IMPDH1: variants seen among roughly 807,000 people sequenced by gnomAD.
IMPDH1 encodes inosine-5'-monophosphate dehydrogenase 1.
IMPDH1 carries 41 observed loss-of-function variants against 73.5 expected under a neutral mutation model. That is an observed-to-expected ratio of 0.56 (90% CI 0.43 to 0.72). The LOEUF is 0.72. Ranked by LOEUF, IMPDH1 falls within the 30% of genes least tolerant of loss-of-function variation. The pLI is 0.00. For missense variants in IMPDH1, 645 were observed against 824.8 expected (o/e 0.78, Z 2.67); for synonymous variants, 318 against 334.3 (o/e 0.95, Z 0.53).
chr7:128,405,240 C>T (rs915524301), intron 4 of IMPDH1, among the ~76,000 whole-genome samples: 2 of 152,204 alleles, frequency 1.3e-5, no homozygotes, highest in Non-Finnish European at 2.9e-5. Context: ...GAATAATTCG[C>T]GCCTTGGGAG....
Position 128,392,783 on chromosome 7 carries a change from G to A in IMPDH1, c.*224C>T, listed in dbSNP as rs1797620751. On this transcript the variant is annotated 3_prime_UTR_variant, in exon 17 of 17. Coordinates refer to ENST00000338791, the MANE Select transcript of IMPDH1 (RefSeq NM_000883.4). ...GAGAGCCTGGCTGGCTGGGCTCGGA[G>A]GGGGGCTCCCAGGGCAGCCTGGCCC... 5 of 559,928 alleles carry A rather than the reference G, an allele frequency of 8.9e-6. No individual in the cohort carries two copies. The highest frequency in any genetic ancestry group is 3.1e-5 in the Admixed American group (1 of 32,528). 34.7% of individuals were successfully genotyped at this position (559,928 alleles called of 1,614,324 possible). A position where few individuals can be genotyped will look rare whatever the true frequency, so the allele number is the denominator to read the frequency against.
At chr7:128,406,286 CCCCCCCACACCCCCACA>C (rs1798760762) in intron 3 of IMPDH1, among the ~76,000 whole-genome samples, 1 of 2,920 alleles carries the variant, frequency 3.4e-4, no homozygotes, top group Admixed American at 2.8e-3. Flanking sequence ...AGAGGCCCCA[CCCCCCCACACCCCCACA>C]CCCCCCACCC....
At chr7:128,401,800 A>G (rs1798357438) in intron 5 of IMPDH1, among the ~76,000 whole-genome samples, 1 of 152,150 alleles carries the variant, frequency 6.6e-6, no homozygotes, top group African/African-American at 2.4e-5. Context: ...GGAGCTCAGG[A>G]GAGTGGTCAG....
rs545986760 is a variant in IMPDH1, at chr7:128,400,702, G to C, written c.579+115C>G. ...GAGGGCTCGGCCCCAAGGCTCCACT[G>C]AGAGGAAGGACACGCAGGGAGTGTA... On this transcript the variant is annotated intron_variant, in intron 7 of 16. Transcript: ENST00000338791. 5.1e-5 allele frequency: 61 copies of C among 1,186,282 alleles called. 1 individual carries two copies. The Middle Eastern group carries it at 1.0e-3, about 20-fold the overall frequency. The allele number at this position is 1,186,282 out of a possible 1,614,324, so 73.5% of individuals were successfully genotyped here. A position where few individuals can be genotyped will look rare whatever the true frequency, so the allele number is the denominator to read the frequency against.
chr7:128,405,815 C>A lies in IMPDH1; in HGVS notation c.305G>T (p.Gly102Val). 1.3e-6 allele frequency: 2 copies of A among 1,542,594 alleles called. No individual in the cohort carries two copies. The highest frequency in any genetic ancestry group is 1.2e-5 in the South Asian group (1 of 83,130). The change falls in exon 4 of 17, where the codon GGG becomes GTG. Residue 102 changes from glycine (G) to valine (V), a missense_variant. Gly to Val is a moderately radical substitution (Grantham distance 109). Around this residue, in one of 2 missense-constraint regions of IMPDH1, gnomAD observed 186 missense variants for 186.6 expected, o/e 1.00. Coordinates refer to ENST00000338791, the MANE Select transcript of IMPDH1 (RefSeq NM_000883.4). ...SGGTGYVPED[G>V]LTAQQLFASA... ...GGCGAAGAGCTGCTGCGCGGTGAGC[C>A]CATCCTCGGGCACGTAGCCGGTGCC...
At chr7:128,405,710 C>G (rs1798679640) in intron 4 of IMPDH1, 57 bp downstream of exon 4, 1 of 1,507,572 alleles carries the variant, frequency 6.6e-7, no homozygotes, top group African/African-American at 1.4e-5. Context: ...GCAGGGCCGG[C>G]CCGGGGGTCG....
At chr7:128,403,659 C>A (rs1283582014) in intron 5 of IMPDH1, 47 bp downstream of exon 5, 3 of 1,561,866 alleles carry the variant, frequency 1.9e-6, no homozygotes, top group South Asian at 1.1e-5. Context: ...CAGCCTCTTC[C>A]ACCACATACA....
chr7:128,394,775 A>G lies in IMPDH1; in HGVS notation c.1550+114T>C. 1 of 1,454,252 alleles carries G rather than the reference A, an allele frequency of 6.9e-7. No homozygotes were observed. The highest frequency in any genetic ancestry group is 9.5e-7 in the Non-Finnish European group (1 of 1,047,326). 90.1% of individuals were successfully genotyped at this position (1,454,252 alleles called of 1,614,324 possible). A position where few individuals can be genotyped will look rare whatever the true frequency, so the allele number is the denominator to read the frequency against. ...GTCTGCTACTTAAGCCCTGTGCCTC[A>G]GTTTCCAGAACCACCATATGGGGAC... On this transcript the variant is annotated intron_variant, in intron 14 of 16. Coordinates refer to ENST00000338791, the MANE Select transcript of IMPDH1 (RefSeq NM_000883.4). This position sits in a 1 kb window ranked among gnomAD's most constrained non-coding sequence, Gnocchi z 5.5.
In IMPDH1 at chr7:128,397,036, CG is replaced by C. The variant is rs762701094; in HGVS notation, c.1075-15del. The C allele has an allele frequency of 3.1e-6, 5 of 1,599,806 alleles. No homozygotes were observed. The African/African-American group carries it at 6.7e-5, about 21-fold the overall frequency. On this transcript the variant is annotated splice_polypyrimidine_tract_variant and intron_variant, in intron 10 of 16. Coordinates refer to ENST00000338791, the MANE Select transcript of IMPDH1 (RefSeq NM_000883.4). ...TTGGGACGAGTCCTGTGAGAAAGGA[CG>C]GAAGAGCTTGGGCTTAGACAGCTGA...
At chr7:128,406,679 T>A (rs1326638922) in intron 3 of IMPDH1, among the ~76,000 whole-genome samples, 5 of 152,020 alleles carry the variant, frequency 3.3e-5, no homozygotes, top group Non-Finnish European at 7.4e-5. Context: ...AGAGGCAAAA[T>A]CTATAGTTCG....
chr7:128,409,982 T>G lies in IMPDH1; in HGVS notation c.-81A>C. The G allele has an allele frequency of 8.3e-7, 1 of 1,211,946 alleles. No homozygotes were observed. The allele number at this position is 1,211,946 out of a possible 1,614,324, so 75.1% of individuals were successfully genotyped here. ...GGGCAGTGAGCGCAGCCCGGTCGAG[T>G]CCCGAGGAGGGGCGGGGCCGCCGGG... On this transcript the variant is annotated 5_prime_UTR_variant, in exon 1 of 17. Transcript: ENST00000338791.
rs374465636 is a variant in IMPDH1 at position 128,394,869 on chromosome 7, G to T, written c.1550+20C>A. 20 of 1,610,568 alleles carry T rather than the reference G, an allele frequency of 1.2e-5. No individual in the cohort carries two copies. The highest frequency in any genetic ancestry group is 2.7e-5 in the African/African-American group (2 of 74,850). ...GGGTTGTGGGCTGATCTGCCCAGGT[G>T]GGGCCCAGGGTCAGGGAACCTGAAG... On this transcript the variant is annotated intron_variant, in intron 14 of 16. Coordinates refer to ENST00000338791, the MANE Select transcript of IMPDH1 (RefSeq NM_000883.4). This position sits in a 1 kb window ranked among gnomAD's most constrained non-coding sequence, Gnocchi z 5.5.
At chr7:128,400,284 G>A (rs369869768) in intron 8 of IMPDH1, 49 bp downstream of exon 8, 38 of 1,600,450 alleles carry the variant, frequency 2.4e-5, no homozygotes, top group South Asian at 1.3e-4. Context: ...AGGCCCCAGC[G>A]TGAGGGTCCT....
intron 3 of IMPDH1, 25 bp downstream of exon 3, chr7:128,409,264 G>A (rs763231557): frequency 1.2e-6 from 2 of 1,602,228 alleles, no homozygotes; most frequent in Middle Eastern, 1.7e-4. Flanking sequence ...CTCAGTGCAT[G>A]GTGAGGAGGG....
intron 10 of IMPDH1, among the ~76,000 whole-genome samples, chr7:128,397,805 G>A (rs1036847824): frequency 6.6e-5 from 10 of 152,180 alleles, no homozygotes; most frequent in Middle Eastern, 6.8e-3. Context: ...ATACTGGTGA[G>A]AATTGGGCTT....
Position 128,392,834 on chromosome 7 carries a change from G to T in IMPDH1, c.*173C>A, listed in dbSNP as rs1419218673. 3.8e-5 allele frequency: 25 copies of T among 656,636 alleles called. No individual in the cohort carries two copies. Among genetic ancestry groups the T allele is most frequent in the Non-Finnish European group, 6.5e-5 (24 of 370,078 alleles). 40.7% of individuals were successfully genotyped at this position (656,636 alleles called of 1,614,324 possible). The stretch of plus-strand genomic sequence containing the variant: ...CGGGAGCAGTCCTGACTCTGCAGGG[G>T]ATGCCGAGTGAGGGGCAGCAGTCCC... On this transcript the variant is annotated 3_prime_UTR_variant, in exon 17 of 17. Transcript: ENST00000338791.
intron 16 of IMPDH1, 77 bp from the exon 17 acceptor site, chr7:128,393,105 C>T (rs1212682820): frequency 8.1e-6 from 12 of 1,477,278 alleles, no homozygotes; most frequent in Non-Finnish European, 1.1e-5. Context: ...TTCCCCAGGG[C>T]CCCCAGATGT....
intron 4 of IMPDH1, among the ~76,000 whole-genome samples, chr7:128,404,822 C>A (rs1798593185): frequency 1.3e-5 from 2 of 152,198 alleles, no homozygotes; most frequent in Non-Finnish European, 2.9e-5. Flanking sequence ...AGCAAAGAGG[C>A]CACAGAAGAA....
Position 128,395,249 on chromosome 7 carries a change from G to GT in IMPDH1, c.1286_1287insA (p.Thr430HisfsTer8). 1 of 1,613,602 alleles carries GT rather than the reference G, an allele frequency of 6.2e-7. No homozygotes were observed. Among genetic ancestry groups the GT allele is most frequent in the Non-Finnish European group, 8.5e-7 (1 of 1,180,044 alleles). On this transcript the variant is annotated frameshift_variant, in exon 13 of 17. Coordinates refer to ENST00000338791, the MANE Select transcript of IMPDH1 (RefSeq NM_000883.4). LOFTEE classifies it high-confidence loss of function. ...ACTCAGCCACCTTGTACACAGCAGT[G>GT]CCCTGGGGCCGACCACAGGCCATCA...
Sources: allele counts gnomAD v4.1 joint callset (sites outside exome capture counted in the v4.1 genomes callset), GRCh38; gene constraint gnomAD v4.1.1; regional missense constraint gnomAD v4.1.1; non-coding constraint Gnocchi (gnomAD v3.1); transcripts MANE v1.5; gene names NCBI Gene and HGNC (gene_info 2026-07-23, HGNC 2026-07-21).